BAZ2B: variants seen among roughly 807,000 people sequenced by gnomAD.
BAZ2B encodes bromodomain adjacent to zinc finger domain 2B.
Under a neutral mutation model 246.0 loss-of-function variants are expected in BAZ2B, and 91 were observed. The ratio of observed to expected loss-of-function variants is 0.37; its 90% CI spans 0.31 to 0.44. The LOEUF is 0.44. Among genes scored for constraint, BAZ2B ranks in the 20% least tolerant of loss-of-function variants. BAZ2B has a pLI of 1.00. For missense variants in BAZ2B, 2,332 were observed against 2,533.7 expected (o/e 0.92, Z 1.71); for synonymous variants, 855 against 860.0 (o/e 0.99, Z 0.10).
At chr2:159,628,449 A>G in the BAZ2B span, among the ~76,000 whole-genome samples, 1 of 152,228 alleles carries the variant, frequency 6.6e-6, no homozygotes, top group Non-Finnish European at 1.5e-5. Flanking sequence ...TCAAAACAGC[A>G]CAGTACTGGT....
intron 1 of BAZ2B, among the ~76,000 whole-genome samples, chr2:159,562,387 C>T (rs2089963777): frequency 6.6e-6 from 1 of 152,292 alleles, no homozygotes; most frequent in East Asian, 1.9e-4. Context: ...AAAAAACACA[C>T]ACACACATAA....
chr2:159,495,976 A>G (rs2081074402), intron 2 of BAZ2B, among the ~76,000 whole-genome samples: 2 of 151,328 alleles, frequency 1.3e-5, no homozygotes, highest in Admixed American at 1.3e-4. Context: ...TTCACGTGTT[A>G]GCCAGGATGG....
chr2:159,536,166 T>C lies in BAZ2B; in HGVS notation c.-3+19657A>G, dbSNP rs540942185. On this transcript the variant is annotated intron_variant, in intron 2 of 36. Coordinates refer to ENST00000392783, the MANE Select transcript of BAZ2B (RefSeq NM_013450.4). ...AGTTCCAACACTGAACAGACATATG[T>C]GAATAAGGTAGTTTTGACCACAAGG... 2.2e-4 allele frequency: 34 copies of C among 152,334 alleles called. No individual in the cohort carries two copies. In the East Asian group the frequency reaches 6.2e-3, roughly 28 times the overall value. The allele number at this position is 152,334 out of a possible 1,614,324, so 9.4% of individuals were successfully genotyped here.
intron 21 of BAZ2B, among the ~76,000 whole-genome samples, chr2:159,388,412 G>A (rs1440488499): frequency 6.6e-6 from 1 of 152,098 alleles, no homozygotes; most frequent in Non-Finnish European, 1.5e-5. Flanking sequence ...TTACATGTCT[G>A]TGAAGCACTA....
At chr2:159,526,558 A>G (rs2084758975) in intron 2 of BAZ2B, among the ~76,000 whole-genome samples, 1 of 152,224 alleles carries the variant, frequency 6.6e-6, no homozygotes, top group African/African-American at 2.4e-5. Flanking sequence ...ACATAGATAT[A>G]TATCTTTAAT....
intron 1 of BAZ2B, among the ~76,000 whole-genome samples, chr2:159,566,020 T>A (rs1682479425): frequency 6.6e-6 from 1 of 152,132 alleles, no homozygotes; most frequent in Non-Finnish European, 1.5e-5. Context: ...TGTTGACTTT[T>A]TTGTTTTTCA....
chr2:159,429,162 T>TG, intron 11 of BAZ2B, 38 bp downstream of exon 11: 1 of 1,390,602 alleles, frequency 7.2e-7, no homozygotes, highest in Non-Finnish European at 9.8e-7. Context: ...CATAAATATA[T>TG]GGGGGAAAAA....
chr2:159,511,491 G>A (rs954740913), intron 2 of BAZ2B, among the ~76,000 whole-genome samples: 2 of 152,054 alleles, frequency 1.3e-5, no homozygotes, highest in African/African-American at 4.8e-5. Flanking sequence ...CAGGCGTGAG[G>A]TGTCGCGCCC....
intron 27 of BAZ2B, among the ~76,000 whole-genome samples, chr2:159,366,628 G>A (rs2060244283): frequency 1.3e-5 from 2 of 152,192 alleles, no homozygotes; most frequent in South Asian, 2.1e-4. Flanking sequence ...CATGGGAAAC[G>A]CTGCCATTGA....
chr2:159,660,449 T>C, the BAZ2B span, among the ~76,000 whole-genome samples: 1 of 152,304 alleles, frequency 6.6e-6, no homozygotes, highest in African/African-American at 2.4e-5. Flanking sequence ...TAGACATATG[T>C]TTTCATTTCT....
intron 14 of BAZ2B, among the ~76,000 whole-genome samples, chr2:159,408,329 T>C (rs539235610): frequency 9.3e-4 from 141 of 152,310 alleles, no homozygotes; most frequent in Non-Finnish European, 7.8e-4. Flanking sequence ...TGCACCACTT[T>C]ACCCAGCTAA....
the BAZ2B span, among the ~76,000 whole-genome samples, chr2:159,667,653 C>T: frequency 1.3e-5 from 2 of 151,106 alleles, no homozygotes; most frequent in Admixed American, 6.6e-5. Context: ...AAAGACTCTC[C>T]ATTCCCTCAC....
At position 159,389,477 on chromosome 2, in the gene BAZ2B, C is replaced by T. The variant is rs1266108680; in HGVS notation, c.3084G>A (p.Glu1028=). The part of the protein sequence containing the change: ...MEARKKAEEK[E]RLKQEKRDEK... ...CATCACGTTTTTCTTGTTTCAACCG[C>T]TCTTTTTCCTTAAAAAGAAAACCAT... The change falls in exon 21 of 37, where the codon GAG becomes GAA. Residue 1028 remains glutamate, a synonymous_variant. Coordinates refer to ENST00000392783, the MANE Select transcript of BAZ2B (RefSeq NM_013450.4). 6.3e-7 allele frequency: 1 copy of T among 1,599,542 alleles called. No individual in the cohort carries two copies. Among genetic ancestry groups the T allele is most frequent in the Non-Finnish European group, 8.5e-7 (1 of 1,174,844 alleles).
intron 2 of BAZ2B, among the ~76,000 whole-genome samples, chr2:159,550,510 C>CAT: frequency 6.6e-6 from 1 of 152,002 alleles, no homozygotes; most frequent in East Asian, 1.9e-4. Context: ...CAAAATTTAG[C>CAT]CAGATTACTA....
At chr2:159,460,572 C>A in intron 3 of BAZ2B, 1 of 151,958 alleles carries the variant, frequency 6.6e-6, no homozygotes, top group East Asian at 1.9e-4. Flanking sequence ...AAATCAGGAT[C>A]TAATGTACAT....
intron 2 of BAZ2B, among the ~76,000 whole-genome samples, chr2:159,481,860 T>A (rs1577601023): frequency 6.6e-6 from 1 of 151,918 alleles, no homozygotes; most frequent in African/African-American, 2.4e-5. Context: ...GTGTGAGACC[T>A]AGGATCCCAC....
chr2:159,510,130 G>T (rs1180608796), intron 2 of BAZ2B, among the ~76,000 whole-genome samples: 1 of 152,068 alleles, frequency 6.6e-6, no homozygotes, highest in Non-Finnish European at 1.5e-5. Context: ...GTAGATTAGA[G>T]GTTACTAGGA....
intron 1 of BAZ2B, chr2:159,615,770 T>G (rs984063696): frequency 1.3e-5 from 2 of 152,110 alleles, no homozygotes; most frequent in East Asian, 1.9e-4. Flanking sequence ...GGCGGCGACC[T>G]GAGCGCTGGA....
At chr2:159,597,821 T>C (rs1166971917) in intron 1 of BAZ2B, among the ~76,000 whole-genome samples, 1 of 152,190 alleles carries the variant, frequency 6.6e-6, no homozygotes, top group African/African-American at 2.4e-5. Flanking sequence ...AGCTTGTTTC[T>C]CAGGCAGCCA....
Sources: allele counts gnomAD v4.1 joint callset (sites outside exome capture counted in the v4.1 genomes callset), GRCh38; gene constraint gnomAD v4.1.1; transcripts MANE v1.5; gene names NCBI Gene and HGNC (gene_info 2026-07-23, HGNC 2026-07-21).